PLAT: variants seen among roughly 807,000 people sequenced by gnomAD.
PLAT encodes the protein tissue-type plasminogen activator.
PLAT carries 48 observed loss-of-function variants against 74.9 expected under a neutral mutation model. The ratio of observed to expected loss-of-function variants is 0.64; its 90% CI spans 0.51 to 0.82. The LOEUF (loss-of-function observed/expected upper bound fraction) is 0.82, where lower values mean the gene tolerates loss of function less well. Among genes scored for constraint, PLAT ranks in the 40% least tolerant of loss-of-function variants. The pLI, the probability that PLAT is intolerant of heterozygous loss-of-function variation, is 0.00. For missense variants in PLAT, 673 were observed against 736.2 expected, an observed-to-expected ratio of 0.91 and a Z score of 0.99; for synonymous variants, 307 against 294.4, an observed-to-expected ratio of 1.04 and a Z score of -0.44.
At chr8:42,203,992 T>TATATATATATATATATATATATACAC (rs1554499838) in intron 1 of PLAT, among the ~76,000 whole-genome samples, 17 of 109,852 alleles carry the variant, frequency 1.5e-4, no homozygotes, top group African/African-American at 8.3e-4. Context: ...TATATATATA[T>TATATATATATATATATATATATACAC]ACACACACAC....
intron 3 of PLAT, among the ~76,000 whole-genome samples, chr8:42,190,054 G>C (rs1805625705): frequency 6.6e-6 from 1 of 152,026 alleles, no homozygotes; most frequent in Middle Eastern, 3.2e-3. Flanking sequence ...GGGACTACAG[G>C]TGCACACCAC....
chr8:42,206,849 A>G (rs1806359212), intron 1 of PLAT, among the ~76,000 whole-genome samples: 1 of 152,224 alleles, frequency 6.6e-6, no homozygotes, highest in African/African-American at 2.4e-5. Flanking sequence ...CACTTGACTG[A>G]TGCACCCTGG....
Position 42,175,019 on chromosome 8 carries a change from G to C in PLAT, c.*974C>G, listed in dbSNP as rs1804911394. On this transcript the variant is annotated 3_prime_UTR_variant, in exon 14 of 14. Coordinates refer to ENST00000220809, the MANE Select transcript of PLAT (RefSeq NM_000930.5). The stretch of plus-strand genomic sequence containing the variant: ...CTGCCCTTTTGTGACCGGCTCCACT[G>C]TACCTTGGTACTTCTCTAAATGCCA... Among the ~76,000 whole-genome samples the C allele has an allele frequency of 6.6e-6, 1 of 152,080 alleles. No homozygotes were observed. The highest frequency in any genetic ancestry group is 1.5e-5 in the Non-Finnish European group (1 of 68,036).
Position 42,184,008 on chromosome 8 carries a change from A to G in PLAT, c.631+1073T>C, listed in dbSNP as rs144535711. On this transcript the variant is annotated intron_variant, in intron 7 of 13. Transcript: ENST00000220809. Reference sequence around the variant, plus strand: ...CAGGCTGGAGTGCAGTGGCACAATCATTGCTCACTGTGGCCTCAACCTCCT... The same window carrying G: ...CAGGCTGGAGTGCAGTGGCACAATCGTTGCTCACTGTGGCCTCAACCTCCT... Among the ~76,000 whole-genome samples, 434 of 149,134 alleles carry G rather than the reference A, an allele frequency of 2.9e-3. 14 individuals are homozygous for G. The East Asian group carries it at 0.075, about 26-fold the overall frequency.
intron 1 of PLAT, 145 bp from the exon 2 acceptor site, chr8:42,193,356 G>T (rs571078589): frequency 6.1e-5 from 37 of 605,504 alleles, no homozygotes; most frequent in African/African-American, 4.6e-4. Context: ...TCTAGAAGAG[G>T]ATTCTAGAAA....
At chr8:42,205,844 TG>T (rs547450192) in intron 1 of PLAT, among the ~76,000 whole-genome samples, 207 of 152,314 alleles carry the variant, frequency 1.4e-3, no homozygotes, top group African/African-American at 4.8e-3. Context: ...TTCTTAACAT[TG>T]GCAAAATAAA....
Position 42,177,765 on chromosome 8 carries a change from G to A in PLAT, c.1530+1132C>T, listed in dbSNP as rs184954400. On this transcript the variant is annotated intron_variant, in intron 13 of 13. Transcript: ENST00000220809. ...CCTTTTTGTTTCTGGACTGTAAGCT[G>A]GTACAGCTGAGGTTGCTGAAGAAAC... 4.0e-3 allele frequency among the ~76,000 whole-genome samples: 606 copies of A among 152,280 alleles called. 14 individuals carry two copies. The highest frequency in any genetic ancestry group is 7.9e-4 in the Non-Finnish European group (54 of 68,024).
intron 13 of PLAT, among the ~76,000 whole-genome samples, chr8:42,178,294 G>C (rs1449992643): frequency 7.9e-6 from 1 of 126,040 alleles, no homozygotes; most frequent in African/African-American, 3.1e-5. Context: ...TTTTGAGATC[G>C]AGTTTCGCTC....
At chr8:42,186,811 ATCTATCATCTATCAATCT>A (rs1437370383) in intron 6 of PLAT, 3 of 149,488 alleles carry the variant, frequency 2.0e-5, no homozygotes, top group South Asian at 2.2e-4. Context: ...TCACCTATGT[ATCTATCATCTATCAATCT>A]TCTATCATCT....
chr8:42,179,744 G>T (rs1331410119), intron 12 of PLAT, among the ~76,000 whole-genome samples, 182 bp downstream of exon 12: 2 of 152,162 alleles, frequency 1.3e-5, no homozygotes, highest in Admixed American at 1.3e-4. Context: ...TTCCTGGCCT[G>T]CAGTGTCCCT....
Position 42,180,016 on chromosome 8 carries a change from C to A in PLAT, c.1273G>T (p.Val425Leu), listed in dbSNP as rs762557505. ...GGGGGAAGGCACACAGTGCGGACCA[C>A]GCTGCTCTCCTGGGCACAGCGGGAC... Reference protein sequence around the residue: ...DSSRCAQESSVVRTVCLPPAD... With the variant: ...DSSRCAQESSLVRTVCLPPAD... The change falls in exon 12 of 14, where the codon GTG (valine) becomes TTG (leucine). Residue 425 changes from valine to leucine, a missense_variant. By Grantham distance (32) the Val-to-Leu change is conservative (BLOSUM62 1). Coordinates refer to ENST00000220809, the MANE Select transcript of PLAT (RefSeq NM_000930.5). The A allele has an allele frequency of 5.0e-6, 8 of 1,609,966 alleles. No homozygotes were observed. The Admixed American group carries it at 1.3e-4, about 27-fold the overall frequency.
intron 3 of PLAT, among the ~76,000 whole-genome samples, chr8:42,189,747 C>T (rs369896833): frequency 2.4e-4 from 36 of 150,470 alleles, no homozygotes; most frequent in Non-Finnish European, 2.8e-4. Context: ...TACAGGTGCC[C>T]GATACCATGC....
At chr8:42,186,480 A>G (rs1563257033) in intron 6 of PLAT, 1 of 152,152 alleles carries the variant, frequency 6.6e-6, no homozygotes, top group Non-Finnish European at 1.5e-5. Context: ...AGTTATCCCA[A>G]CTTTCCCGAC....
intron 1 of PLAT, among the ~76,000 whole-genome samples, chr8:42,194,880 G>A (rs573768646): frequency 1.2e-4 from 18 of 152,028 alleles, no homozygotes; most frequent in Admixed American, 2.6e-4. Context: ...CAGGAAGGAG[G>A]GGAGGCAAAT....
At chr8:42,187,135 GTCTA>G (rs987500151) in intron 6 of PLAT, 15 of 375,766 alleles carry the variant, frequency 4.0e-5, no homozygotes, top group Middle Eastern at 1.3e-3. Flanking sequence ...CCTATCATCT[GTCTA>G]TCTGTCATCC....
intron 1 of PLAT, among the ~76,000 whole-genome samples, chr8:42,203,175 CA>C (rs2129824803): frequency 6.6e-6 from 1 of 152,270 alleles, no homozygotes; most frequent in South Asian, 2.1e-4. Context: ...TCTCAATACA[CA>C]GGTCTCCTGG....
rs1282785896 is a variant in PLAT, at chr8:42,176,030, T to C, written c.1652A>G (p.Asn551Ser). The change falls in exon 14 of 14, where the codon AAC (asparagine) becomes AGC (serine). Residue 551 changes from asparagine to serine, a missense_variant. By Grantham distance (46) the Asn-to-Ser change is conservative. Coordinates refer to ENST00000220809, the MANE Select transcript of PLAT (RefSeq NM_000930.5). ...GTTGTCACGAATCCAGTCTAGGTAGTTGGTAACCTTGGTGTACACACCCGG... is the reference window on the plus strand; with the variant it reads ...GTTGTCACGAATCCAGTCTAGGTAGCTGGTAACCTTGGTGTACACACCCGG... ...DVPGVYTKVT[N>S]YLDWIRDNMR... 6.2e-7 allele frequency: 1 copy of C among 1,614,030 alleles called. No homozygotes were observed. Among genetic ancestry groups the C allele is most frequent in the African/African-American group, 1.3e-5 (1 of 74,904 alleles).
intron 1 of PLAT, among the ~76,000 whole-genome samples, chr8:42,197,410 GA>G (rs748239534): frequency 6.6e-6 from 1 of 152,242 alleles, no homozygotes; most frequent in Non-Finnish European, 1.5e-5. Flanking sequence ...TGTTCTTGGG[GA>G]AAACGGGAAC....
chr8:42,203,426 G>T (rs1396795585), intron 1 of PLAT, among the ~76,000 whole-genome samples: 1 of 152,168 alleles, frequency 6.6e-6, no homozygotes, highest in Non-Finnish European at 1.5e-5. Flanking sequence ...TACTTGTATA[G>T]GAAGAACAGC....
Sources: gnomAD v4.1 joint callset for allele counts (sites outside exome capture counted in the v4.1 genomes callset) on GRCh38, gnomAD v4.1.1 for gene constraint, MANE v1.5 for transcripts, NCBI Gene and HGNC (gene_info 2026-07-23, HGNC 2026-07-21) for gene names.